Variants in MAEL observed in about 807,000 individuals in gnomAD.
MAEL encodes maelstrom spermatogenic transposon silencer.
MAEL carries 46 observed loss-of-function variants against 62.0 expected under a neutral mutation model. That is an observed-to-expected ratio of 0.74 (90% CI 0.59 to 0.95). MAEL has a LOEUF of 0.95. Ranked by LOEUF, MAEL falls within the 40% of genes least tolerant of loss-of-function variation. The pLI is 0.00. For missense variants in MAEL, 497 were observed against 526.8 expected, an observed-to-expected ratio of 0.94 and a Z score of 0.55; for synonymous variants, 172 against 175.5, an observed-to-expected ratio of 0.98 and a Z score of 0.16.
At chr1:166,978,150 A>G (rs1392560801) in intron 1 of MAEL, among the ~76,000 whole-genome samples, 1 of 152,206 alleles carries the variant, frequency 6.6e-6, no homozygotes, top group Non-Finnish European at 1.5e-5. Flanking sequence ...TTGTGCCACA[A>G]TGAATCATAG....
At chr1:167,000,396 C>T (rs904524620) in intron 5 of MAEL, among the ~76,000 whole-genome samples, 3 of 152,126 alleles carry the variant, frequency 2.0e-5, no homozygotes, top group Non-Finnish European at 4.4e-5. Context: ...AGAAATGGAA[C>T]CTGAAAATGT....
At chr1:166,994,974 A>ATTTTTTTTTTTTTTTT (rs944951589) in intron 5 of MAEL, among the ~76,000 whole-genome samples, 1 of 110,192 alleles carries the variant, frequency 9.1e-6, no homozygotes, top group Non-Finnish European at 1.9e-5. Flanking sequence ...CCACCCAGTA[A>ATTTTTTTTTTTTTTTT]TTTTTTTTTT....
chr1:167,020,849 G>C (rs1225983975), intron 10 of MAEL, among the ~76,000 whole-genome samples: 1 of 151,638 alleles, frequency 6.6e-6, no homozygotes, highest in East Asian at 1.9e-4. Context: ...CAGCAAACGT[G>C]CTATAATCTC....
At chr1:166,999,961 G>C (rs1489886408) in intron 5 of MAEL, among the ~76,000 whole-genome samples, 1 of 151,530 alleles carries the variant, frequency 6.6e-6, no homozygotes, top group Non-Finnish European at 1.5e-5. Context: ...GAAATCTGCT[G>C]CTCAGAAAAA....
chr1:166,976,036 C>G (rs1216858408), intron 1 of MAEL, among the ~76,000 whole-genome samples: 1 of 152,190 alleles, frequency 6.6e-6, no homozygotes, highest in Non-Finnish European at 1.5e-5. Context: ...GTGCAAGGAA[C>G]CAGGCAAGAG....
chr1:166,990,652 CTG>C (rs1446664031), intron 2 of MAEL: 1 of 151,250 alleles, frequency 6.6e-6, no homozygotes, highest in Admixed American at 6.6e-5. Flanking sequence ...GAGCAAAACT[CTG>C]TATCAAAAAA....
At chr1:166,991,283 A>G (rs543503617) in intron 2 of MAEL, 95 bp from the exon 3 acceptor site, 24 of 753,312 alleles carry the variant, frequency 3.2e-5, no homozygotes, top group Admixed American at 7.3e-5. Context: ...TTGGTAATCT[A>G]TAGGCTGTTT....
At chr1:166,987,293 T>C (rs994461968), upstream of MAEL, among the ~76,000 whole-genome samples, 3 of 152,232 alleles carry the variant, frequency 2.0e-5, no homozygotes, top group Non-Finnish European at 4.4e-5. Flanking sequence ...CTATGTATAC[T>C]TTTATGTATG....
rs1158330933 is a variant in MAEL, at chr1:167,017,900, T to G, written c.982T>G (p.Tyr328Asp). 1 of 1,613,452 alleles carries G rather than the reference T, an allele frequency of 6.2e-7. No homozygotes were observed. The highest frequency in any genetic ancestry group is 8.5e-7 in the Non-Finnish European group (1 of 1,179,598). ...AGAGGCTCATGTACCACTACAAGAT[T>G]ATGAGGCCAGCAATAGTGTGACACC... ...LTEAHVPLQD[Y>D]EASNSVTPKM... The change falls in exon 10 of 12, where the codon TAT becomes GAT. Residue 328 changes from tyrosine to aspartate, a missense_variant. Coordinates refer to ENST00000367872, the MANE Select transcript of MAEL (RefSeq NM_032858.3).
chr1:166,997,019 G>T (rs932102199), intron 5 of MAEL, among the ~76,000 whole-genome samples: 1 of 152,122 alleles, frequency 6.6e-6, no homozygotes, highest in Admixed American at 6.5e-5. Flanking sequence ...GTAGAGACAG[G>T]GTTTCACCAT....
rs1277709701 is a variant in MAEL, at chr1:167,021,685, G to A, written c.1135G>A (p.Ala379Thr). ...NTPIGDYPSR[A>T]KISGQNSSVR... ...TATCCTAGGTGACTACCCATCTAGG[G>A]CAAAAATTTCTGGCCAAAACAGCAG... The change falls in exon 12 of 12, where the codon GCA becomes ACA. Residue 379 changes from alanine (A) to threonine (T), a missense_variant. Transcript: ENST00000367872. 1.2e-6 allele frequency: 2 copies of A among 1,605,434 alleles called. No homozygotes were observed. Among genetic ancestry groups the A allele is most frequent in the African/African-American group, 2.7e-5 (2 of 74,608 alleles).
chr1:167,020,310 T>G (rs1485679754), intron 10 of MAEL, among the ~76,000 whole-genome samples: 3 of 152,138 alleles, frequency 2.0e-5, no homozygotes, highest in Non-Finnish European at 2.9e-5. Context: ...CCCTCTTTTT[T>G]TCCTCATACT....
intron 8 of MAEL, among the ~76,000 whole-genome samples, chr1:167,013,905 A>C (rs1665272889): frequency 6.6e-6 from 1 of 152,142 alleles, no homozygotes; most frequent in African/African-American, 2.4e-5. Flanking sequence ...AGAACAGTTT[A>C]CTTTTTTTCA....
intron 8 of MAEL, among the ~76,000 whole-genome samples, chr1:167,009,590 ATT>A (rs75695034): frequency 2.8e-5 from 4 of 144,466 alleles, no homozygotes; most frequent in Non-Finnish European, 3.1e-5. Context: ...ATTTCTGGAG[ATT>A]TTTTTTTTTT....
chr1:167,008,442 T>A (rs1665023805), intron 8 of MAEL, among the ~76,000 whole-genome samples: 1 of 152,076 alleles, frequency 6.6e-6, no homozygotes, highest in African/African-American at 2.4e-5. Flanking sequence ...CTCTTAAAAT[T>A]TTTTTAAATT....
intron 1 of MAEL, among the ~76,000 whole-genome samples, chr1:166,976,088 T>C (rs1394610678): frequency 6.6e-6 from 1 of 152,220 alleles, no homozygotes; most frequent in Non-Finnish European, 1.5e-5. Context: ...TCTCGCGTCA[T>C]TACTTTTTCC....
intron 1 of MAEL, among the ~76,000 whole-genome samples, chr1:166,980,525 T>C (rs540013096): frequency 4.6e-5 from 7 of 152,260 alleles, no homozygotes; most frequent in Non-Finnish European, 1.0e-4. Context: ...AGCCCCCACA[T>C]GTACACCTGC....
chr1:167,013,156 C>G (rs1410551003), intron 8 of MAEL, among the ~76,000 whole-genome samples: 2 of 152,214 alleles, frequency 1.3e-5, no homozygotes, highest in African/African-American at 4.8e-5. Context: ...AGGCAAGCAA[C>G]TGTCGTCCTG....
At chr1:166,977,456 C>G (rs1185660735) in intron 1 of MAEL, among the ~76,000 whole-genome samples, 2 of 152,180 alleles carry the variant, frequency 1.3e-5, no homozygotes, top group East Asian at 3.8e-4. Context: ...ACTAACTTCT[C>G]TAAGATCAGG....
Sources: allele counts gnomAD v4.1 joint callset (sites outside exome capture counted in the v4.1 genomes callset), GRCh38; gene constraint gnomAD v4.1.1; transcripts MANE v1.5; gene names NCBI Gene and HGNC (gene_info 2026-07-23, HGNC 2026-07-21).